The following INTS6 variants were observed in gnomAD, a reference collection of about 807,000 sequenced individuals.
The protein encoded by INTS6 is DEAD box protein.
A neutral mutation model predicts 104.9 loss-of-function variants in INTS6; 16 were observed. The ratio of observed to expected loss-of-function variants is 0.15; its 90% CI spans 0.10 to 0.23. INTS6 has a LOEUF of 0.23. INTS6 is among the 10% of genes least tolerant of loss of function. The pLI is 1.00. For missense variants in INTS6, 584 were observed against 1,062.8 expected (o/e 0.55, Z 6.26); for synonymous variants, 324 against 358.7 (o/e 0.90, Z 1.09).
chr13:51,391,833 T>C (rs543017117), intron 5 of INTS6, among the ~76,000 whole-genome samples: 1 of 152,234 alleles, frequency 6.6e-6, no homozygotes, highest in South Asian at 2.1e-4. Flanking sequence ...ATATCTATAA[T>C]TTTTATAAAA....
At chr13:51,437,395 G>C (rs1952710881) in intron 3 of INTS6, 1 of 151,776 alleles carries the variant, frequency 6.6e-6, no homozygotes, top group Non-Finnish European at 1.5e-5. Context: ...GTAGGGCAAA[G>C]AAGCAGATAA....
chr13:51,434,469 C>G (rs904664286), intron 3 of INTS6, among the ~76,000 whole-genome samples: 2 of 152,012 alleles, frequency 1.3e-5, no homozygotes, highest in African/African-American at 4.8e-5. Context: ...CTCATTGTAC[C>G]AATTATCCCG....
chr13:51,432,726 C>T (rs1293388976), intron 3 of INTS6, among the ~76,000 whole-genome samples: 2 of 152,266 alleles, frequency 1.3e-5, no homozygotes, highest in Non-Finnish European at 2.9e-5. Context: ...AAATTCAACG[C>T]ATAACAACTC....
At chr13:51,426,529 G>A (rs999389115) in intron 4 of INTS6, among the ~76,000 whole-genome samples, 1 of 151,856 alleles carries the variant, frequency 6.6e-6, no homozygotes, top group Non-Finnish European at 1.5e-5. Context: ...ACACACGAAA[G>A]GTAATATTAA....
At chr13:51,360,399 A>G (rs146951168), downstream of INTS6, among the ~76,000 whole-genome samples, 9 of 152,120 alleles carry the variant, frequency 5.9e-5, no homozygotes, top group Non-Finnish European at 1.3e-4. Context: ...ATCTCAGGTG[A>G]GTTCACAGCT....
chr13:51,334,758 G>C, the INTS6 span, among the ~76,000 whole-genome samples: 1 of 152,010 alleles, frequency 6.6e-6, no homozygotes, highest in African/African-American at 2.4e-5. Context: ...GAGGCAGGTG[G>C]ATCACCTGAG....
chr13:51,429,511 A>T (rs1383701896), intron 4 of INTS6, among the ~76,000 whole-genome samples: 1 of 152,044 alleles, frequency 6.6e-6, no homozygotes, highest in Non-Finnish European at 1.5e-5. Flanking sequence ...CACACCTGTA[A>T]TCCCAACACT....
chr13:51,347,784 T>C, the INTS6 span, among the ~76,000 whole-genome samples: 1 of 152,194 alleles, frequency 6.6e-6, no homozygotes, highest in Admixed American at 6.5e-5. Context: ...CCCCAGGCTG[T>C]CTACAGTATG....
At chr13:51,445,667 A>G (rs557496223) in intron 3 of INTS6, 1 of 152,392 alleles carries the variant, frequency 6.6e-6, no homozygotes, top group South Asian at 2.1e-4. Flanking sequence ...TGGCGAGGCC[A>G]AGATTGGGAT....
intron 3 of INTS6, chr13:51,449,394 C>T (rs530943712): frequency 1.3e-5 from 11 of 830,826 alleles, no homozygotes; most frequent in Admixed American, 6.2e-5. Flanking sequence ...TCTCTGGGGG[C>T]AGATATCAAC....
chr13:51,409,199 G>A (rs566230348), intron 4 of INTS6, among the ~76,000 whole-genome samples: 21 of 151,084 alleles, frequency 1.4e-4, no homozygotes, highest in African/African-American at 5.1e-4. Context: ...GGAGGCAGAG[G>A]TTGTAGTGAG....
intron 4 of INTS6, among the ~76,000 whole-genome samples, chr13:51,408,483 C>G (rs1956619087): frequency 6.6e-6 from 1 of 152,102 alleles, no homozygotes; most frequent in Admixed American, 6.5e-5. Context: ...TCATTTAAAG[C>G]ACATTGGCCA....
rs1378311161 is a variant in INTS6 at position 51,452,203 on chromosome 13, T to C, written c.112-148A>G. ...CTCCACGCCGTCCCCCACACACAGA[T>C]CGCTCCCCACACACCGCCCGGGGCC... On this transcript the variant is annotated intron_variant, in intron 1 of 17. Coordinates refer to ENST00000311234, the MANE Select transcript of INTS6 (RefSeq NM_012141.3). This position sits in a 1 kb window ranked among gnomAD's most constrained non-coding sequence, Gnocchi z 4.2. 3 of 750,436 alleles carry C rather than the reference T, an allele frequency of 4.0e-6. No homozygotes were observed. Among genetic ancestry groups the C allele is most frequent in the Admixed American group, 5.7e-5 (2 of 34,828 alleles). 46.5% of individuals were successfully genotyped at this position (750,436 alleles called of 1,614,324 possible). A position where few individuals can be genotyped will look rare whatever the true frequency, so the allele number is the denominator to read the frequency against.
chr13:51,364,277 G>A lies in INTS6; in HGVS notation c.*1475C>T. The A allele has an allele frequency of 6.8e-7, 1 of 1,471,774 alleles. No individual in the cohort carries two copies. 91.2% of individuals were successfully genotyped at this position (1,471,774 alleles called of 1,614,324 possible). A position where few individuals can be genotyped will look rare whatever the true frequency, so the allele number is the denominator to read the frequency against. ...TATTGGGAGAGTTTCAAATCCCCTA[G>A]ACTAAATGCATGTTCTCCACTTTCA... On this transcript the variant is annotated 3_prime_UTR_variant, in exon 18 of 18. Transcript: ENST00000311234.
chr13:51,435,321 T>C (rs1957167284), intron 3 of INTS6, among the ~76,000 whole-genome samples: 1 of 151,990 alleles, frequency 6.6e-6, no homozygotes, highest in Non-Finnish European at 1.5e-5. Context: ...CTAGAGCTAC[T>C]TACTAACAGG....
At chr13:51,361,182 T>A (rs1299984801), downstream of INTS6, 2 of 819,616 alleles carry the variant, frequency 2.4e-6, no homozygotes, top group East Asian at 5.4e-5. Context: ...CATTGGATAC[T>A]ATAAATTTTG....
At chr13:51,346,422 G>A in the INTS6 span, among the ~76,000 whole-genome samples, 1 of 152,118 alleles carries the variant, frequency 6.6e-6, no homozygotes, top group Admixed American at 6.5e-5. Flanking sequence ...CTAGGAAATG[G>A]CCCCAAACAG....
chr13:51,397,091 T>C (rs573108074), intron 4 of INTS6, among the ~76,000 whole-genome samples: 1 of 152,292 alleles, frequency 6.6e-6, no homozygotes, highest in Non-Finnish European at 1.5e-5. Flanking sequence ...TCTAAATTAA[T>C]TGTCATTTTT....
chr13:51,361,467 G>C, downstream of INTS6: 1 of 769,728 alleles, frequency 1.3e-6, no homozygotes, highest in Non-Finnish European at 2.2e-6. Flanking sequence ...TAACCCCCAA[G>C]TTCAGGTGTG....
Sources: gnomAD v4.1 joint callset for allele counts (sites outside exome capture counted in the v4.1 genomes callset) on GRCh38, gnomAD v4.1.1 for gene constraint, Gnocchi (gnomAD v3.1) non-coding constraint, MANE v1.5 for transcripts, NCBI Gene and HGNC (gene_info 2026-07-23, HGNC 2026-07-21) for gene names.